RIMBP2: variants seen among roughly 807,000 people sequenced by gnomAD.
RIMBP2 encodes the protein RIMS-binding protein 2.
A neutral mutation model predicts 118.6 loss-of-function variants in RIMBP2; 48 were observed. The observed-to-expected ratio is 0.40, with a 90% confidence interval of 0.32 to 0.51. RIMBP2 has a LOEUF of 0.51. Among genes scored for constraint, RIMBP2 ranks in the 20% least tolerant of loss-of-function variants. The probability of loss-of-function intolerance (pLI) is 0.41; values close to 1 mark genes in which losing one functional copy is unlikely to be tolerated. For missense variants in RIMBP2, 1,551 were observed against 1,768.3 expected (o/e 0.88, Z 2.20); for synonymous variants, 762 against 742.9 (o/e 1.03, Z -0.42).
intron 2 of RIMBP2, among the ~76,000 whole-genome samples, chr12:130,577,179 C>T (rs1309484704): frequency 6.6e-6 from 1 of 152,174 alleles, no homozygotes; most frequent in Non-Finnish European, 1.5e-5. Flanking sequence ...AAGCTCTCTG[C>T]ACCTGTCTTC....
At chr12:130,583,797 ACCACCG>A (rs2058645135) in intron 2 of RIMBP2, among the ~76,000 whole-genome samples, 1 of 62,806 alleles carries the variant, frequency 1.6e-5, no homozygotes, top group South Asian at 7.6e-4. Flanking sequence ...CCTCATCACC[ACCACCG>A]CCATCACCTC....
At position 130,436,855 on chromosome 12, in the gene RIMBP2, G is replaced by GCC; in HGVS notation, c.2091_2092dup (p.Ala698GlyfsTer7). 6.7e-7 allele frequency: 1 copy of GCC among 1,482,366 alleles called. No individual in the cohort carries two copies. The highest frequency in any genetic ancestry group is 2.5e-5 in the East Asian group (1 of 40,074). The allele number at this position is 1,482,366 out of a possible 1,614,324, so 91.8% of individuals were successfully genotyped here. A position where few individuals can be genotyped will look rare whatever the true frequency, so the allele number is the denominator to read the frequency against. On this transcript the variant is annotated frameshift_variant, in exon 13 of 23. Transcript: ENST00000690449. LOFTEE classifies it high-confidence loss of function. Reference sequence around the variant, plus strand: ...CCCCAGCCTTACCCTGCTGCTCTCGGCCACCCTCTGCGCGGCCTCCCGGGC... The same window carrying GCC: ...CCCCAGCCTTACCCTGCTGCTCTCGGCCCCACCCTCTGCGCGGCCTCCCGGGC...
Position 130,436,931 on chromosome 12 carries a change from G to A in RIMBP2, c.2017C>T (p.Leu673=), listed in dbSNP as rs1034562442. The change falls in exon 13 of 23, where the codon CTG becomes TTG. Residue 673 remains leucine (L), a synonymous_variant. Coordinates refer to ENST00000690449, the MANE Select transcript of RIMBP2 (RefSeq NM_001393629.1). The part of the protein sequence containing the change: ...GRRSPSPSRI[L]PQPQGTPVST... ...ACCGGGGTGCCCTGTGGCTGTGGCAGGATGCGGCTGGGTGAGGGCGACCGC... is the reference window on the plus strand; with the variant it reads ...ACCGGGGTGCCCTGTGGCTGTGGCAAGATGCGGCTGGGTGAGGGCGACCGC... 1.2e-6 allele frequency: 2 copies of A among 1,603,288 alleles called. No individual in the cohort carries two copies. Among genetic ancestry groups the A allele is most frequent in the Non-Finnish European group, 1.7e-6 (2 of 1,176,340 alleles).
At chr12:130,715,761 C>CG (rs61431635) in intron 1 of RIMBP2, among the ~76,000 whole-genome samples, 45,384 of 151,474 alleles carry the variant, frequency 0.3, 8,041 homozygotes, top group East Asian at 0.4. Context: ...CCCTTCCCCC[C>CG]CTCCACCCCG....
At position 130,581,153 on chromosome 12, in the gene RIMBP2, A is replaced by G. The variant is rs2058455060; in HGVS notation, c.-217+47169T>C. Among the ~76,000 whole-genome samples the G allele has an allele frequency of 6.6e-6, 1 of 152,110 alleles. No homozygotes were observed. The highest frequency in any genetic ancestry group is 2.4e-5 in the African/African-American group (1 of 41,420). On this transcript the variant is annotated intron_variant, in intron 2 of 22. Coordinates refer to ENST00000690449, the MANE Select transcript of RIMBP2 (RefSeq NM_001393629.1). The surrounding 1 kb of genome is among the most constrained non-coding windows in gnomAD (Gnocchi z 4.4). ...TCCAAGACAGGCAGGTCCTGGACAG[A>G]GCAGTGTGTTTGTCACATACAAAAG...
At chr12:130,614,748 A>G (rs182031962) in intron 2 of RIMBP2, among the ~76,000 whole-genome samples, 1 of 152,238 alleles carries the variant, frequency 6.6e-6, no homozygotes, top group East Asian at 1.9e-4. Flanking sequence ...ACAGACTACA[A>G]TGAGGAAATG....
intron 1 of RIMBP2, among the ~76,000 whole-genome samples, chr12:130,707,092 G>A (rs1036518212): frequency 2.0e-5 from 3 of 152,320 alleles, no homozygotes; most frequent in East Asian, 1.9e-4. Context: ...GGGCCCGGGC[G>A]TGAGAGCTGA....
intron 4 of RIMBP2, among the ~76,000 whole-genome samples, chr12:130,490,985 G>C (rs2048590183): frequency 6.6e-6 from 1 of 152,208 alleles, no homozygotes; most frequent in Admixed American, 6.5e-5. Flanking sequence ...ACCCACGTTA[G>C]TGTTTATCAC....
chr12:130,645,615 C>T (rs1188451991), intron 1 of RIMBP2, among the ~76,000 whole-genome samples: 1 of 152,304 alleles, frequency 6.6e-6, no homozygotes, highest in South Asian at 2.1e-4. Flanking sequence ...GCCTGGGGGA[C>T]AAGGTCAAAG....
At chr12:130,712,892 C>T (rs1034371448) in intron 1 of RIMBP2, among the ~76,000 whole-genome samples, 1 of 151,982 alleles carries the variant, frequency 6.6e-6, no homozygotes, top group Admixed American at 6.6e-5. Flanking sequence ...GCACAGCCAC[C>T]GCAGTACGCA....
chr12:130,625,547 T>C (rs1167416420), intron 2 of RIMBP2, among the ~76,000 whole-genome samples: 1 of 149,872 alleles, frequency 6.7e-6, no homozygotes, highest in East Asian at 2.0e-4. Context: ...TTTCAAACAG[T>C]CATGAGGACC....
intron 15 of RIMBP2, chr12:130,426,261 G>A (rs1209688821): frequency 2.0e-5 from 3 of 151,120 alleles, no homozygotes; most frequent in African/African-American, 7.3e-5. Flanking sequence ...CAGAAATCCA[G>A]ACCTGCCTAC....
chr12:130,647,054 C>G (rs561549136), intron 1 of RIMBP2, among the ~76,000 whole-genome samples: 118 of 152,302 alleles, frequency 7.7e-4, no homozygotes, highest in African/African-American at 2.8e-3. Flanking sequence ...CTCCCCTCAG[C>G]ATGGAAATAA....
chr12:130,614,288 A>AAACCATGTGATTAATTACC (rs1380013010), intron 2 of RIMBP2, among the ~76,000 whole-genome samples: 2 of 152,226 alleles, frequency 1.3e-5, no homozygotes, highest in Non-Finnish European at 2.9e-5. Context: ...GAATCAGCGA[A>AAACCATGTGATTAATTACC]AACCATGTGA....
At chr12:130,648,970 T>C (rs1475194417) in intron 1 of RIMBP2, among the ~76,000 whole-genome samples, 1 of 145,586 alleles carries the variant, frequency 6.9e-6, no homozygotes, top group Admixed American at 6.9e-5. Context: ...ACATGGTAAT[T>C]TTTGCAGCAC....
At position 130,523,593 on chromosome 12, in the gene RIMBP2, G is replaced by A. The variant is rs965007000; in HGVS notation, c.-216-5676C>T. On this transcript the variant is annotated intron_variant, in intron 2 of 22. Coordinates refer to ENST00000690449, the MANE Select transcript of RIMBP2 (RefSeq NM_001393629.1). The surrounding 1 kb of genome is among the most constrained non-coding windows in gnomAD (Gnocchi z 4.4). Reference sequence around the variant, plus strand: ...CCCCATTTCAATGGACAAGGTGGCCGCTTCTCTGGGGGAGAAACTGACAAG... The same window carrying A: ...CCCCATTTCAATGGACAAGGTGGCCACTTCTCTGGGGGAGAAACTGACAAG... 1.3e-5 allele frequency among the ~76,000 whole-genome samples: 2 copies of A among 152,200 alleles called. No homozygotes were observed. Among genetic ancestry groups the A allele is most frequent in the South Asian group, 2.1e-4 (1 of 4,824 alleles).
chr12:130,421,388 A>C (rs909100429), intron 17 of RIMBP2, among the ~76,000 whole-genome samples: 3 of 152,248 alleles, frequency 2.0e-5, no homozygotes, highest in African/African-American at 7.2e-5. Flanking sequence ...AGAGAAACAT[A>C]AACACAATCT....
At chr12:130,686,869 C>G (rs538844018) in intron 1 of RIMBP2, among the ~76,000 whole-genome samples, 20 of 152,312 alleles carry the variant, frequency 1.3e-4, no homozygotes, top group Non-Finnish European at 1.3e-4. Flanking sequence ...GAGGCCGCTA[C>G]GAGCCCAGAA....
intron 2 of RIMBP2, among the ~76,000 whole-genome samples, chr12:130,554,129 T>TGTA (rs1310317133): frequency 6.6e-6 from 1 of 152,100 alleles, no homozygotes; most frequent in African/African-American, 2.4e-5. Context: ...AGAAAGCATA[T>TGTA]GTAATAGCAA....
Sources: gnomAD v4.1 joint callset for allele counts (sites outside exome capture counted in the v4.1 genomes callset) on GRCh38, gnomAD v4.1.1 for gene constraint, Gnocchi (gnomAD v3.1) non-coding constraint, MANE v1.5 for transcripts, NCBI Gene and HGNC (gene_info 2026-07-23, HGNC 2026-07-21) for gene names.